The following ROPN1B variants were observed in gnomAD, a reference collection of about 807,000 sequenced individuals.
The protein encoded by ROPN1B is ropporin-1B.
A neutral mutation model predicts 23.7 loss-of-function variants in ROPN1B; 13 were observed. The ratio of observed to expected loss-of-function variants is 0.55; its 90% CI spans 0.36 to 0.87. The LOEUF is 0.87. Among genes scored for constraint, ROPN1B ranks in the 40% least tolerant of loss-of-function variants. The pLI, the probability that ROPN1B is intolerant of heterozygous loss-of-function variation, is 0.01. For missense variants in ROPN1B, 183 were observed against 249.2 expected (o/e 0.73, Z 1.79); for synonymous variants, 67 against 100.4 (o/e 0.67, Z 1.99).
intron 3 of ROPN1B, among the ~76,000 whole-genome samples, chr3:125,975,313 G>A (rs144372745): frequency 0.027 from 4,177 of 152,162 alleles, 79 homozygotes; most frequent in Non-Finnish European, 0.042. Context: ...AACTTTTCTT[G>A]GTTCTTCCTC....
rs200039132 is a variant in ROPN1B at position 125,972,080 on chromosome 3, G to T, written c.26G>T (p.Cys9Phe). Residue 9 changes from cysteine to phenylalanine, a missense_variant, in exon 3 of 7, where the codon TGC becomes TTC. This residue lies in a region of ROPN1B where 97 missense variants were observed against 99.6 expected (regional missense o/e 0.97). Coordinates refer to ENST00000514116, the MANE Select transcript of ROPN1B (RefSeq NM_001308313.2). ...ATGGCTCAGACAGATAAGCCAACAT[G>T]CATCCCGCCGGAGCTGCCGAAAATG... MAQTDKPT[C>F]IPPELPKMLK... is the part of the protein sequence containing the mutation. The T allele has an allele frequency of 2.5e-6, 4 of 1,614,172 alleles. No homozygotes were observed. Among genetic ancestry groups the T allele is most frequent in the African/African-American group, 1.3e-5 (1 of 75,050 alleles).
chr3:125,978,473 T>C (rs1222744495), intron 5 of ROPN1B, among the ~76,000 whole-genome samples: 1 of 152,210 alleles, frequency 6.6e-6, no homozygotes, highest in Non-Finnish European at 1.5e-5. Flanking sequence ...TGAAACAGCC[T>C]AAAGGTACAT....
Position 125,972,043 on chromosome 3 carries a change from G to A in ROPN1B, c.-12G>A. On this transcript the variant is annotated splice_region_variant and 5_prime_UTR_variant, in exon 3 of 7. Transcript: ENST00000514116. ...TATGTATTTTTTCTCCTGAGAATAG[G>A]TCAACCAATCAATGGCTCAGACAGA... 5 of 1,613,526 alleles carry A rather than the reference G, an allele frequency of 3.1e-6. No individual in the cohort carries two copies. The highest frequency in any genetic ancestry group is 4.2e-6 in the Non-Finnish European group (5 of 1,179,568).
chr3:125,982,230 G>A (rs1938632688), intron 5 of ROPN1B, 40 bp from the exon 6 acceptor site: 12 of 1,508,510 alleles, frequency 8.0e-6, no homozygotes, highest in Non-Finnish European at 9.9e-6. Flanking sequence ...AATATTGCCT[G>A]GAAGAGTAAC....
intron 5 of ROPN1B, among the ~76,000 whole-genome samples, chr3:125,980,831 C>G (rs1580350753): frequency 6.6e-6 from 1 of 152,066 alleles, no homozygotes; most frequent in African/African-American, 2.4e-5. Context: ...CAAATCTACC[C>G]CAAAGCATTC....
At position 125,969,495 on chromosome 3, in the gene ROPN1B, G is replaced by A. The variant is rs1391400952; in HGVS notation, c.-59+95G>A. The stretch of plus-strand genomic sequence containing the variant: ...GGAGGAGCCCTGCCGGACGCCCCCT[G>A]GATTCTGAGCCTCTCCTTGTTCACA... On this transcript the variant is annotated intron_variant, in intron 1 of 6. Coordinates refer to ENST00000514116, the MANE Select transcript of ROPN1B (RefSeq NM_001308313.2). 4.0e-5 allele frequency: 3 copies of A among 75,246 alleles called. 1 individual carries two copies. Among genetic ancestry groups the A allele is most frequent in the Admixed American group, 3.3e-4 (3 of 9,226 alleles). The allele number at this position is 75,246 out of a possible 1,614,324, so 4.7% of individuals were successfully genotyped here.
At chr3:125,981,727 G>A (rs1253138082) in intron 5 of ROPN1B, among the ~76,000 whole-genome samples, 3 of 152,130 alleles carry the variant, frequency 2.0e-5, no homozygotes, top group East Asian at 1.9e-4. Flanking sequence ...AGCACTAGGT[G>A]ATTCTATTTA....
At chr3:125,975,809 C>G in intron 4 of ROPN1B, 129 bp downstream of exon 4, 1 of 734,904 alleles carries the variant, frequency 1.4e-6, no homozygotes, top group Non-Finnish European at 2.1e-6. Flanking sequence ...TACACTAAAC[C>G]GTGGACTGAA....
chr3:125,970,898 A>G (rs1938175743), intron 1 of ROPN1B, among the ~76,000 whole-genome samples: 1 of 151,892 alleles, frequency 6.6e-6, no homozygotes. Context: ...GTGGCTACCA[A>G]CTCCTGGGGG....
At chr3:125,982,774 C>T (rs1425319852) in intron 6 of ROPN1B, among the ~76,000 whole-genome samples, 2 of 152,094 alleles carry the variant, frequency 1.3e-5, no homozygotes, top group African/African-American at 4.8e-5. Flanking sequence ...TATTTATAAG[C>T]CCCTCCAGTA....
chr3:125,977,924 C>A (rs1257776617), intron 5 of ROPN1B: 1 of 152,280 alleles, frequency 6.6e-6, no homozygotes, highest in Non-Finnish European at 1.5e-5. Context: ...ATTGCCTCTG[C>A]CAAAAACAAA....
rs141434114 is a variant in ROPN1B, at chr3:125,976,252, C to T, written c.234+572C>T. ...CCCTGCTTTATGATCCAGGACAGAG[C>T]GGTTTGGGGTGATTTAGGACTGGCT... On this transcript the variant is annotated intron_variant, in intron 4 of 6. Transcript: ENST00000514116. 1.6e-3 allele frequency among the ~76,000 whole-genome samples: 236 copies of T among 152,246 alleles called. 1 individual carries two copies. Among genetic ancestry groups the T allele is most frequent in the Non-Finnish European group, 2.8e-3 (190 of 68,022 alleles).
At chr3:125,979,138 TAA>T (rs927089814) in intron 5 of ROPN1B, among the ~76,000 whole-genome samples, 2 of 152,186 alleles carry the variant, frequency 1.3e-5, no homozygotes, top group African/African-American at 4.8e-5. Context: ...CCTCCAATTC[TAA>T]GAGGCCTTGA....
At chr3:125,972,247 C>A in intron 3 of ROPN1B, 77 bp downstream of exon 3, 1 of 1,420,674 alleles carries the variant, frequency 7.0e-7, no homozygotes, top group African/African-American at 1.4e-5. Flanking sequence ...CGGAGGTTGT[C>A]ATGGCTGCAG....
intron 3 of ROPN1B, among the ~76,000 whole-genome samples, chr3:125,974,882 C>T (rs1276512385): frequency 1.3e-5 from 2 of 152,176 alleles, no homozygotes; most frequent in African/African-American, 2.4e-5. Context: ...GCCCTGCCAA[C>T]CCTCTCTCCC....
Position 125,982,312 on chromosome 3 carries a change from T to C in ROPN1B, c.439T>C (p.Cys147Arg), listed in dbSNP as rs1938636176. 1.2e-6 allele frequency: 2 copies of C among 1,613,202 alleles called. No homozygotes were observed. Among genetic ancestry groups the C allele is most frequent in the Non-Finnish European group, 1.7e-6 (2 of 1,179,634 alleles). Reference sequence around the variant, plus strand: ...CAAGATAGTGTGTGAGGTCTTATCATGTGACCACAATGGTGGGTTGCCCCG... The same window carrying C: ...CAAGATAGTGTGTGAGGTCTTATCACGTGACCACAATGGTGGGTTGCCCCG... ...TLKIVCEVLS[C>R]DHNGGLPRIP... Residue 147 changes from cysteine (C) to arginine (R), a missense_variant, in exon 6 of 7, where the codon TGT becomes CGT. Physicochemically the swap from Cys to Arg is radical, Grantham distance 180. Around this residue, in one of 3 missense-constraint regions of ROPN1B, gnomAD observed 80 missense variants for 98.0 expected, o/e 0.82. Coordinates refer to ENST00000514116, the MANE Select transcript of ROPN1B (RefSeq NM_001308313.2).
chr3:125,981,127 T>A (rs1269725824), intron 5 of ROPN1B, among the ~76,000 whole-genome samples: 2 of 146,398 alleles, frequency 1.4e-5, no homozygotes, highest in African/African-American at 2.5e-5. Flanking sequence ...ATTAACTCAA[T>A]TAAAATTAAT....
chr3:125,982,370 C>G lies in ROPN1B; in HGVS notation c.497C>G (p.Thr166Arg), dbSNP rs759847011. ...IPFSTFQFLY[T>R]YIAEVDGEIC... The stretch of plus-strand genomic sequence containing the variant: ...TTCAGCACCTTCCAGTTTCTCTACA[C>G]GTATATTGCCGAAGTGGATGGGGAG... Residue 166 changes from threonine to arginine, a missense_variant, in exon 6 of 7, where the codon ACG (threonine) becomes AGG (arginine). Physicochemically the swap from Thr to Arg is moderately conservative, Grantham distance 71. Coordinates refer to ENST00000514116, the MANE Select transcript of ROPN1B (RefSeq NM_001308313.2). 5.0e-6 allele frequency: 8 copies of G among 1,613,238 alleles called. No individual in the cohort carries two copies. The African/African-American group carries it at 1.1e-4, about 22-fold the overall frequency.
chr3:125,982,241 T>G, intron 5 of ROPN1B, 29 bp from the exon 6 acceptor site: 1 of 1,551,822 alleles, frequency 6.4e-7, no homozygotes, highest in Non-Finnish European at 8.7e-7. Context: ...GAAGAGTAAC[T>G]TTCTCCTCAT....
Sources: gnomAD v4.1 joint callset for allele counts (sites outside exome capture counted in the v4.1 genomes callset) on GRCh38, gnomAD v4.1.1 for gene constraint, gnomAD v4.1.1 regional missense constraint, MANE v1.5 for transcripts, NCBI Gene and HGNC (gene_info 2026-07-23, HGNC 2026-07-21) for gene names.